RNF150: variants seen among roughly 807,000 people sequenced by gnomAD.
RNF150 encodes the protein ring finger protein 150.
In RNF150, 24 loss-of-function variants were observed where a neutral mutation model predicts 39.3. The observed-to-expected ratio is 0.61, with a 90% CI of 0.44 to 0.86. The LOEUF (loss-of-function observed/expected upper bound fraction) is 0.86. RNF150 is among the 40% of genes least tolerant of loss of function. RNF150 has a pLI of 0.00. For missense variants in RNF150, 502 were observed against 587.8 expected, an observed-to-expected ratio of 0.85 and a Z score of 1.51; for synonymous variants, 255 against 227.3, an observed-to-expected ratio of 1.12 and a Z score of -1.10.
chr4:140,906,310 G>GA (rs891277087), intron 6 of RNF150, among the ~76,000 whole-genome samples: 42 of 145,758 alleles, frequency 2.9e-4, no homozygotes, highest in South Asian at 6.6e-4. Context: ...AATACTCAAG[G>GA]AAAAAAAAAC....
intron 1 of RNF150, among the ~76,000 whole-genome samples, chr4:141,070,708 C>T (rs28868326): frequency 0.19 from 16,208 of 83,444 alleles, 1,818 homozygotes; most frequent in Non-Finnish European, 0.31. Flanking sequence ...GCTAGAATGG[C>T]AATCATTAAA....
rs1056861331 is a variant in RNF150 at position 141,159,773 on chromosome 4, G to C, written c.-6+53021C>G. 7.9e-5 allele frequency among the ~76,000 whole-genome samples: 12 copies of C among 152,078 alleles called. 1 individual carries two copies. ...TGCCCAGGCTGATCTCCAACTTACG[G>C]GTTCAAGTGATCCACCCACCTTGGC... On this transcript the variant is annotated intron_variant, in intron 1 of 7. Coordinates refer to the RNF150 transcript ENST00000420921.
chr4:140,999,951 G>T (rs1291084184), intron 1 of RNF150, among the ~76,000 whole-genome samples: 6 of 38,084 alleles, frequency 1.6e-4, no homozygotes, highest in Non-Finnish European at 4.3e-4. Flanking sequence ...AAAAGAAGAA[G>T]AAGAAGAAGA....
chr4:141,103,641 T>C (rs1337617888), intron 1 of RNF150, among the ~76,000 whole-genome samples: 1 of 152,170 alleles, frequency 6.6e-6, no homozygotes, highest in East Asian at 1.9e-4. Flanking sequence ...CACGGAACAA[T>C]AGCTACCCAT....
chr4:140,875,894 T>C (rs1729137783), intron 6 of RNF150, among the ~76,000 whole-genome samples: 2 of 152,194 alleles, frequency 1.3e-5, no homozygotes, highest in Admixed American at 1.3e-4. Flanking sequence ...ATTTACTCAC[T>C]CTACTGCCTG....
chr4:141,059,754 T>C (rs1206714206), intron 1 of RNF150, among the ~76,000 whole-genome samples: 1 of 152,132 alleles, frequency 6.6e-6, no homozygotes, highest in South Asian at 2.1e-4. Flanking sequence ...AAACCTTCTA[T>C]CTAAGTAATC....
At chr4:140,969,756 C>CT (rs70946718) in intron 1 of RNF150, among the ~76,000 whole-genome samples, 2,755 of 75,866 alleles carry the variant, frequency 0.036, 270 homozygotes, top group African/African-American at 0.13. Context: ...ACAAGTTTTA[C>CT]TTTTTTTTTT....
chr4:140,973,498 A>C (rs1434075183), intron 1 of RNF150, among the ~76,000 whole-genome samples: 1 of 151,722 alleles, frequency 6.6e-6, no homozygotes, highest in Admixed American at 6.6e-5. Flanking sequence ...TTGGGGTAGC[A>C]CCTCCTTTTC....
At chr4:141,020,073 T>C (rs561681195) in intron 1 of RNF150, among the ~76,000 whole-genome samples, 3 of 151,474 alleles carry the variant, frequency 2.0e-5, no homozygotes, top group African/African-American at 7.2e-5. Context: ...CTCAGTTCTT[T>C]AGCCAAGGGA....
chr4:140,931,033 T>C (rs1207051502), intron 4 of RNF150, among the ~76,000 whole-genome samples: 1 of 151,812 alleles, frequency 6.6e-6, no homozygotes, highest in East Asian at 1.9e-4. Flanking sequence ...CTTATAGGTA[T>C]GGGCTTCATG....
intron 2 of RNF150, among the ~76,000 whole-genome samples, chr4:140,956,443 C>T (rs112678111): frequency 0.027 from 4,089 of 152,140 alleles, 76 homozygotes; most frequent in Non-Finnish European, 0.042. Flanking sequence ...ATCTGGCCTC[C>T]CAACTCAAAG....
At chr4:140,906,431 CA>C (rs1730376744) in intron 6 of RNF150, among the ~76,000 whole-genome samples, 1 of 152,030 alleles carries the variant, frequency 6.6e-6, no homozygotes, top group Admixed American at 6.6e-5. Context: ...GGAGGATATG[CA>C]AATATTACAC....
chr4:140,963,917 A>G (rs1489911369), intron 2 of RNF150, among the ~76,000 whole-genome samples: 3 of 152,080 alleles, frequency 2.0e-5, no homozygotes, highest in Non-Finnish European at 4.4e-5. Flanking sequence ...GATAAAATAT[A>G]TATCTCAATC....
chr4:141,057,082 G>GT (rs1481264584), intron 1 of RNF150, among the ~76,000 whole-genome samples: 1 of 151,968 alleles, frequency 6.6e-6, no homozygotes, highest in Non-Finnish European at 1.5e-5. Flanking sequence ...GTAAAAATTG[G>GT]TAACTATCTG....
At chr4:140,972,141 A>C (rs1457713146) in intron 1 of RNF150, among the ~76,000 whole-genome samples, 2 of 152,118 alleles carry the variant, frequency 1.3e-5, no homozygotes, top group East Asian at 3.9e-4. Flanking sequence ...ATATTGTCCC[A>C]TTTGTAGATA....
chr4:140,905,389 G>T (rs1417354990), intron 6 of RNF150, among the ~76,000 whole-genome samples: 2 of 152,070 alleles, frequency 1.3e-5, no homozygotes, highest in African/African-American at 4.8e-5. Context: ...CTACTGAAGA[G>T]GCATGAATAA....
At chr4:141,055,776 T>C (rs60908449) in intron 1 of RNF150, among the ~76,000 whole-genome samples, 5 of 152,076 alleles carry the variant, frequency 3.3e-5, no homozygotes, top group African/African-American at 1.2e-4. Flanking sequence ...AGGGAGGCAA[T>C]ATTTGAAGTA....
At chr4:141,182,240 A>G (rs1727920259) in intron 1 of RNF150, among the ~76,000 whole-genome samples, 1 of 122,914 alleles carries the variant, frequency 8.1e-6, no homozygotes, top group South Asian at 3.2e-4. Context: ...ATGGGCAAAA[A>G]CTGGAAGCAT....
At chr4:141,078,942 CAT>C (rs897983844) in intron 1 of RNF150, among the ~76,000 whole-genome samples, 3 of 148,158 alleles carry the variant, frequency 2.0e-5, no homozygotes, top group Admixed American at 1.3e-4. Flanking sequence ...TATACACACA[CAT>C]ATATATACAC....
Sources: gnomAD v4.1 joint callset for allele counts (sites outside exome capture counted in the v4.1 genomes callset) on GRCh38, gnomAD v4.1.1 for gene constraint, MANE v1.5 for transcripts, NCBI Gene and HGNC (gene_info 2026-07-23, HGNC 2026-07-21) for gene names.